Variants in CDH5 observed in about 807,000 individuals in gnomAD.
CDH5 encodes cadherin-5.
In CDH5, 28 loss-of-function variants were observed where a neutral mutation model predicts 62.0. The observed-to-expected ratio is 0.45, with a 90% CI of 0.33 to 0.62. The LOEUF (loss-of-function observed/expected upper bound fraction) is 0.62. Among genes scored for constraint, CDH5 ranks in the 20% least tolerant of loss-of-function variants. The pLI, the probability that CDH5 is intolerant of heterozygous loss-of-function variation, is 0.02. For missense variants in CDH5, 940 were observed against 1,065.1 expected (o/e 0.88, Z 1.63); for synonymous variants, 464 against 445.8 (o/e 1.04, Z -0.52).
chr16:66,387,852 C>T lies in CDH5; in HGVS notation c.500-472C>T, dbSNP rs146567984. On this transcript the variant is annotated intron_variant, in intron 3 of 11. Transcript: ENST00000341529. ...AGGTTACTACTCCACCTCTTCAGTA[C>T]ACCTCAGACTCCAGAGGGTGCCAGA... 2.0e-5 allele frequency among the ~76,000 whole-genome samples: 3 copies of T among 152,320 alleles called. No individual in the cohort carries two copies. In the East Asian group the frequency reaches 5.8e-4, roughly 29 times the overall value.
chr16:66,389,057 A>C (rs969786609), intron 4 of CDH5, among the ~76,000 whole-genome samples: 11 of 152,254 alleles, frequency 7.2e-5, no homozygotes, highest in Non-Finnish European at 1.3e-4. Context: ...CAGTGCACCA[A>C]GGCAGACATC....
intron 3 of CDH5, 90 bp downstream of exon 3, chr16:66,387,187 G>A: frequency 7.9e-7 from 1 of 1,260,442 alleles, no homozygotes; most frequent in Middle Eastern, 2.7e-4. Context: ...CCTGGGGTAG[G>A]AATCCAGTGA....
chr16:66,374,001 C>A (rs367800301), intron 1 of CDH5, among the ~76,000 whole-genome samples: 1 of 151,890 alleles, frequency 6.6e-6, no homozygotes. Flanking sequence ...AGTGGCATGA[C>A]GCAAAAAGCA....
intron 1 of CDH5, among the ~76,000 whole-genome samples, chr16:66,371,769 G>A (rs751697766): frequency 9.2e-5 from 14 of 152,146 alleles, no homozygotes; most frequent in Non-Finnish European, 1.5e-4. Flanking sequence ...GGTCCTCCTG[G>A]TGCTCAGGGG....
At chr16:66,387,172 C>A in intron 3 of CDH5, 75 bp downstream of exon 3, 1 of 1,410,242 alleles carries the variant, frequency 7.1e-7, no homozygotes, top group Non-Finnish European at 9.7e-7. Flanking sequence ...TCAGCCACTT[C>A]ACTGCCTGGG....
At chr16:66,397,954 A>C in intron 8 of CDH5, 28 bp from the exon 9 acceptor site, 2 of 1,614,066 alleles carry the variant, frequency 1.2e-6, no homozygotes, top group Non-Finnish European at 1.7e-6. Context: ...AGCTGAGCCC[A>C]TAATGGTGAC....
Position 66,379,520 on chromosome 16 carries a change from C to T in CDH5, c.183C>T (p.Asn61=), listed in dbSNP as rs1960848231. ...WNQMHIDEEK[N]TSLPHHVGKI... ...AGATGCACATTGATGAAGAGAAAAA[C>T]ACCTCACTTCCCCATCATGTAGGCA... Residue 61 remains asparagine, a synonymous_variant, in exon 2 of 12, where the codon AAC becomes AAT. Coordinates refer to ENST00000341529, the MANE Select transcript of CDH5 (RefSeq NM_001795.5). 1 of 1,614,218 alleles carries T rather than the reference C, an allele frequency of 6.2e-7. No individual in the cohort carries two copies. The highest frequency in any genetic ancestry group is 1.7e-5 in the Admixed American group (1 of 60,032).
chr16:66,402,994 C>T lies in CDH5; in HGVS notation c.2180C>T (p.Thr727Met), dbSNP rs939912277. Residue 727 changes from threonine (T) to methionine (M), a missense_variant, in exon 12 of 12, where the codon ACG (threonine) becomes ATG (methionine). Coordinates refer to ENST00000341529, the MANE Select transcript of CDH5 (RefSeq NM_001795.5). The stretch of plus-strand genomic sequence containing the variant: ...GACGGCGACGGCCCCCCCTACGACA[C>T]GCTGCACATCTACGGCTACGAGGGC... The part of the protein sequence containing the change: ...DHDGDGPPYD[T>M]LHIYGYEGSE... 3 of 1,613,448 alleles carry T rather than the reference C, an allele frequency of 1.9e-6. No individual in the cohort carries two copies. Among genetic ancestry groups the T allele is most frequent in the Non-Finnish European group, 2.5e-6 (3 of 1,179,894 alleles).
At chr16:66,397,836 A>G (rs2142340517) in intron 8 of CDH5, 146 bp from the exon 9 acceptor site, 5 of 806,928 alleles carry the variant, frequency 6.2e-6, no homozygotes, top group East Asian at 2.6e-5. Context: ...AACTCCTTTT[A>G]TCCAGAACAC....
intron 3 of CDH5, among the ~76,000 whole-genome samples, chr16:66,387,967 A>G (rs766272042): frequency 1.3e-5 from 2 of 152,152 alleles, no homozygotes; most frequent in African/African-American, 4.8e-5. Context: ...GTTCAAGGGG[A>G]TGCAAGAAAT....
At position 66,396,027 on chromosome 16, in the gene CDH5, T is replaced by G. The variant is rs766397573; in HGVS notation, c.1218-32T>G. On this transcript the variant is annotated intron_variant, in intron 7 of 11. Transcript: ENST00000341529. ...GGAGTGTAGACTCAGCAAAGAACAA[T>G]GGAAAGCCATGAAACTCTCTCCCCT... 3.1e-6 allele frequency: 5 copies of G among 1,608,468 alleles called. No individual in the cohort carries two copies. In the East Asian group the frequency reaches 6.7e-5, roughly 22 times the overall value.
chr16:66,399,330 A>G (rs1344621270), intron 10 of CDH5, among the ~76,000 whole-genome samples: 1 of 152,160 alleles, frequency 6.6e-6, no homozygotes, highest in African/African-American at 2.4e-5. Context: ...AATTTCCTCA[A>G]AAAAATAGAG....
intron 1 of CDH5, 24 bp downstream of exon 1, chr16:66,366,782 C>T (rs970824643): frequency 3.3e-5 from 5 of 152,362 alleles, no homozygotes; most frequent in African/African-American, 1.2e-4. Context: ...CCCACACTCC[C>T]CTCCACCCCA....
intron 1 of CDH5, among the ~76,000 whole-genome samples, chr16:66,374,929 T>G (rs1960758108): frequency 6.6e-6 from 1 of 152,146 alleles, no homozygotes. Context: ...GTGTATCTCC[T>G]AATGCTATCC....
At position 66,389,518 on chromosome 16, in the gene CDH5, C is replaced by T; in HGVS notation, c.777C>T (p.Thr259=). ...QDINDNFPFF[T]QTKYTFVVPE... Reference sequence around the variant, plus strand: ...TCAATGACAACTTCCCCTTCTTCACCCAGAGTGAGCCCCTCCTCTAGGGCC... The same window carrying T: ...TCAATGACAACTTCCCCTTCTTCACTCAGAGTGAGCCCCTCCTCTAGGGCC... Residue 259 remains threonine (T), a synonymous_variant, in exon 5 of 12, where the codon ACC becomes ACT. Transcript: ENST00000341529. 2 of 1,585,502 alleles carry T rather than the reference C, an allele frequency of 1.3e-6. No individual in the cohort carries two copies. The highest frequency in any genetic ancestry group is 1.7e-6 in the Non-Finnish European group (2 of 1,161,236).
chr16:66,368,648 C>G (rs1395651870), intron 1 of CDH5, among the ~76,000 whole-genome samples: 1 of 152,242 alleles, frequency 6.6e-6, no homozygotes, highest in Non-Finnish European at 1.5e-5. Flanking sequence ...CTCAGTCACA[C>G]TGAAGCAACT....
chr16:66,401,061 G>A (rs1172347540), intron 11 of CDH5, 45 bp downstream of exon 11: 1 of 1,612,220 alleles, frequency 6.2e-7, no homozygotes, highest in Non-Finnish European at 8.5e-7. Flanking sequence ...GGGTGGAAGG[G>A]GATGGAAGGT....
intron 2 of CDH5, among the ~76,000 whole-genome samples, chr16:66,384,957 C>T (rs187444901): frequency 6.1e-5 from 9 of 147,978 alleles, no homozygotes; most frequent in South Asian, 2.3e-4. Flanking sequence ...CAGAGCTAAA[C>T]TCAAAAAACA....
chr16:66,372,846 T>C (rs970504313), intron 1 of CDH5, among the ~76,000 whole-genome samples: 2 of 152,212 alleles, frequency 1.3e-5, no homozygotes, highest in African/African-American at 4.8e-5. Flanking sequence ...CCTCTCATTT[T>C]GGGTCCTCCA....
Sources: allele counts gnomAD v4.1 joint callset (sites outside exome capture counted in the v4.1 genomes callset), GRCh38; gene constraint gnomAD v4.1.1; transcripts MANE v1.5; gene names NCBI Gene and HGNC (gene_info 2026-07-23, HGNC 2026-07-21).